RSBN1L: variants seen among roughly 807,000 people sequenced by gnomAD.
The protein encoded by RSBN1L is round spermatid basic protein 1 like, also known as lysine-specific demethylase RSBN1L.
In RSBN1L, 30 loss-of-function variants were observed where a neutral mutation model predicts 67.7. That is an observed-to-expected ratio of 0.44 (90% CI 0.33 to 0.60). The LOEUF (loss-of-function observed/expected upper bound fraction) is 0.60, where lower values mean the gene tolerates loss of function less well. RSBN1L is among the 20% of genes least tolerant of loss of function. RSBN1L has a pLI of 0.02. For synonymous variants in RSBN1L, 433 were observed against 387.0 expected, an observed-to-expected ratio of 1.12 and a Z score of -1.39; for missense variants, 992 against 1,031.7, an observed-to-expected ratio of 0.96 and a Z score of 0.53.
intron 3 of RSBN1L, among the ~76,000 whole-genome samples, chr7:77,760,652 A>T (rs953112261): frequency 1.3e-5 from 2 of 152,098 alleles, no homozygotes; most frequent in African/African-American, 4.8e-5. Flanking sequence ...TTATTTTTTG[A>T]GACTGAGTTT....
chr7:77,723,989 G>T (rs548372331), intron 1 of RSBN1L, among the ~76,000 whole-genome samples: 1 of 151,910 alleles, frequency 6.6e-6, no homozygotes, highest in Non-Finnish European at 1.5e-5. Context: ...TGTTGCCCAG[G>T]CTGGTCTTGA....
chr7:77,696,829 G>C lies in RSBN1L; in HGVS notation c.360G>C (p.Leu120Phe). ...TTCCCTCCTCAGCCTCCGCTTCCTT[G>C]TCTCAGCCGGTGCCGCGCAAACTGC... Reference protein sequence around the residue: ...TAVPSSASASLSQPVPRKLLV... With the variant: ...TAVPSSASASFSQPVPRKLLV... The change falls in exon 1 of 8, where the codon TTG becomes TTC. Residue 120 changes from leucine to phenylalanine, a missense_variant. Leu to Phe is a conservative substitution (Grantham distance 22, BLOSUM62 0). Coordinates refer to ENST00000334955, the MANE Select transcript of RSBN1L (RefSeq NM_198467.3). The C allele has an allele frequency of 6.2e-7, 1 of 1,613,404 alleles. No homozygotes were observed. The highest frequency in any genetic ancestry group is 8.5e-7 in the Non-Finnish European group (1 of 1,179,954).
intron 1 of RSBN1L, among the ~76,000 whole-genome samples, chr7:77,731,474 A>C (rs1434452009): frequency 1.3e-5 from 2 of 152,150 alleles, no homozygotes; most frequent in Non-Finnish European, 2.9e-5. Flanking sequence ...GGGCTCTAGC[A>C]GTCCGCCTGC....
intron 1 of RSBN1L, among the ~76,000 whole-genome samples, chr7:77,721,996 A>G (rs151079052): frequency 6.6e-6 from 1 of 152,310 alleles, no homozygotes; most frequent in Non-Finnish European, 1.5e-5. Flanking sequence ...AAAAAGATGG[A>G]AATATTTTAA....
At chr7:77,758,238 A>G (rs912825065) in intron 3 of RSBN1L, among the ~76,000 whole-genome samples, 28 of 152,162 alleles carry the variant, frequency 1.8e-4, no homozygotes, top group Non-Finnish European at 3.2e-4. Flanking sequence ...GGCTCACTGC[A>G]ACTTCCCAGG....
At chr7:77,724,116 CTTGA>C (rs1393567935) in intron 1 of RSBN1L, among the ~76,000 whole-genome samples, 5 of 151,880 alleles carry the variant, frequency 3.3e-5, no homozygotes, top group Non-Finnish European at 5.9e-5. Context: ...TTTTTCTCCT[CTTGA>C]TTAACTATAG....
intron 1 of RSBN1L, among the ~76,000 whole-genome samples, chr7:77,727,934 C>A (rs1375548880): frequency 6.6e-6 from 1 of 152,176 alleles, no homozygotes; most frequent in Non-Finnish European, 1.5e-5. Flanking sequence ...AAAATTGCCT[C>A]TCTTTTTCAT....
chr7:77,779,222 T>A lies in RSBN1L; in HGVS notation c.*54T>A. On this transcript the variant is annotated 3_prime_UTR_variant, in exon 8 of 8. Transcript: ENST00000334955. ...TTAAAAAAATTTAATGTAATAAAGATTCATGAATTCTGAAAGCAAGCCAAG... is the reference window on the plus strand; with the variant it reads ...TTAAAAAAATTTAATGTAATAAAGAATCATGAATTCTGAAAGCAAGCCAAG... 7.8e-7 allele frequency: 1 copy of A among 1,277,420 alleles called. No individual in the cohort carries two copies. The highest frequency in any genetic ancestry group is 1.1e-6 in the Non-Finnish European group (1 of 930,154). The allele number at this position is 1,277,420 out of a possible 1,614,324, so 79.1% of individuals were successfully genotyped here.
chr7:77,750,253 TG>T (rs1208812648), intron 3 of RSBN1L, among the ~76,000 whole-genome samples, 189 bp downstream of exon 3: 16 of 151,460 alleles, frequency 1.1e-4, no homozygotes, highest in Admixed American at 2.0e-4. Context: ...CACTTATGTA[TG>T]TTTTTTTTTA....
chr7:77,716,826 T>G (rs1791055701), intron 1 of RSBN1L, among the ~76,000 whole-genome samples: 1 of 151,982 alleles, frequency 6.6e-6, no homozygotes, highest in Admixed American at 6.6e-5. Flanking sequence ...GAGACGGGGT[T>G]TCACCATGTT....
chr7:77,712,204 A>G (rs1020774457), intron 1 of RSBN1L, among the ~76,000 whole-genome samples: 3 of 147,996 alleles, frequency 2.0e-5, no homozygotes, highest in Non-Finnish European at 4.5e-5. Context: ...TTAGTGTATT[A>G]TTTTCACTTA....
At chr7:77,744,068 G>C (rs540879543) in intron 2 of RSBN1L, among the ~76,000 whole-genome samples, 91 of 151,230 alleles carry the variant, frequency 6.0e-4, no homozygotes, top group Non-Finnish European at 1.1e-3. Flanking sequence ...TTTTTTCTCT[G>C]TTGCCTTGGC....
intron 1 of RSBN1L, among the ~76,000 whole-genome samples, chr7:77,725,244 C>CT (rs779531960): frequency 0.087 from 6,414 of 73,602 alleles, 848 homozygotes; most frequent in African/African-American, 0.18. Flanking sequence ...AAGCCCCCCA[C>CT]TTTTTTTTTT....
At chr7:77,749,097 C>A (rs1791521275) in intron 2 of RSBN1L, among the ~76,000 whole-genome samples, 1 of 152,012 alleles carries the variant, frequency 6.6e-6, no homozygotes, top group Admixed American at 6.5e-5. Flanking sequence ...CTTCTAAAAA[C>A]ACAAGAATTA....
chr7:77,767,321 T>A (rs1791781952), intron 4 of RSBN1L, among the ~76,000 whole-genome samples: 1 of 151,866 alleles, frequency 6.6e-6, no homozygotes, highest in South Asian at 2.1e-4. Flanking sequence ...GTTCTCAACA[T>A]TCCATGGACA....
At chr7:77,773,623 C>T (rs554784966) in intron 6 of RSBN1L, among the ~76,000 whole-genome samples, 4 of 152,032 alleles carry the variant, frequency 2.6e-5, no homozygotes, top group East Asian at 1.9e-4. Context: ...GTTAGCCGGG[C>T]GTGGTGGCGC....
At chr7:77,730,508 A>G (rs1008905481) in intron 1 of RSBN1L, among the ~76,000 whole-genome samples, 1 of 152,210 alleles carries the variant, frequency 6.6e-6, no homozygotes, top group African/African-American at 2.4e-5. Flanking sequence ...CATACACCAC[A>G]GAGTATTTTA....
At chr7:77,734,930 A>G (rs1209262138) in intron 1 of RSBN1L, among the ~76,000 whole-genome samples, 1 of 152,168 alleles carries the variant, frequency 6.6e-6, no homozygotes, top group African/African-American at 2.4e-5. Context: ...TGAACAGATA[A>G]GGAGTTTTAT....
intron 4 of RSBN1L, chr7:77,768,447 T>C (rs1279386359): frequency 1.9e-6 from 1 of 514,740 alleles, no homozygotes; most frequent in African/African-American, 1.9e-5. Flanking sequence ...GACAGAACCA[T>C]CCAAGCATAA....
Sources: gnomAD v4.1 joint callset for allele counts (sites outside exome capture counted in the v4.1 genomes callset) on GRCh38, gnomAD v4.1.1 for gene constraint, MANE v1.5 for transcripts, NCBI Gene and HGNC (gene_info 2026-07-23, HGNC 2026-07-21) for gene names.